The following TLE1 variants were observed in gnomAD, a reference collection of about 807,000 sequenced individuals.
TLE1 encodes TLE family member 1, transcriptional corepressor.
TLE1 carries 21 observed loss-of-function variants against 89.8 expected under a neutral mutation model. The ratio of observed to expected loss-of-function variants is 0.23; its 90% CI spans 0.17 to 0.34. The LOEUF (loss-of-function observed/expected upper bound fraction) is 0.34, where lower values mean the gene tolerates loss of function less well. Ranked by LOEUF, TLE1 falls within the 10% of genes least tolerant of loss-of-function variation. The pLI, the probability that TLE1 is intolerant of heterozygous loss-of-function variation, is 1.00. For synonymous variants in TLE1, 447 were observed against 407.6 expected (o/e 1.10, Z -1.16); for missense variants, 795 against 1,031.2 (o/e 0.77, Z 3.14).
chr9:81,646,371 G>C (rs7854019), intron 6 of TLE1, among the ~76,000 whole-genome samples: 73,854 of 152,010 alleles, frequency 0.49, 18,156 homozygotes, highest in East Asian at 0.68. Flanking sequence ...AAGGGCTAGA[G>C]TGTTGGAATT....
chr9:81,667,498 G>A (rs1831631874), intron 4 of TLE1, among the ~76,000 whole-genome samples: 1 of 152,018 alleles, frequency 6.6e-6, no homozygotes, highest in South Asian at 2.1e-4. Context: ...CTGCACATGG[G>A]CCATGCTACA....
chr9:81,620,591 C>A (rs1587999607), intron 8 of TLE1, 34 bp from the exon 9 acceptor site: 2 of 1,600,048 alleles, frequency 1.2e-6, no homozygotes, highest in Non-Finnish European at 8.5e-7. Flanking sequence ...AAGATTTCTT[C>A]CCAAGCCTCT....
At chr9:81,644,750 T>C (rs547049320) in intron 6 of TLE1, among the ~76,000 whole-genome samples, 3 of 152,022 alleles carry the variant, frequency 2.0e-5, no homozygotes, top group Non-Finnish European at 4.4e-5. Context: ...TCCCAGCACT[T>C]TGGGAGGCAG....
chr9:81,683,827 C>T (rs1458856102), intron 4 of TLE1, among the ~76,000 whole-genome samples: 8 of 152,114 alleles, frequency 5.3e-5, no homozygotes, highest in African/African-American at 1.7e-4. Context: ...CCACAAATGC[C>T]TCACTCTGTA....
At chr9:81,677,489 C>A (rs577666953) in intron 4 of TLE1, among the ~76,000 whole-genome samples, 60 of 143,062 alleles carry the variant, frequency 4.2e-4, no homozygotes, top group African/African-American at 1.5e-3. Flanking sequence ...GGTGTGAACC[C>A]GGGAGGCGGA....
intron 14 of TLE1, among the ~76,000 whole-genome samples, chr9:81,601,528 G>A (rs578249057): frequency 6.6e-6 from 1 of 151,696 alleles, no homozygotes; most frequent in Admixed American, 6.6e-5. Context: ...CTGACCTCTA[G>A]GTGCTAATAT....
intron 4 of TLE1, among the ~76,000 whole-genome samples, chr9:81,656,559 T>C (rs1248172455): frequency 6.6e-6 from 1 of 152,202 alleles, no homozygotes; most frequent in Non-Finnish European, 1.5e-5. Context: ...ATGGGTAACA[T>C]ATTGGTGATT....
rs558222355 is a variant in TLE1, at chr9:81,635,155, C to T, written c.373-854G>A. On this transcript the variant is annotated intron_variant, in intron 6 of 19. Transcript: ENST00000376499. ...CTGCCACAGACAGGGGAGAGGATCT[C>T]AGGGAGCCAGGCTTGTGGCCGCTGG... Among the ~76,000 whole-genome samples the T allele has an allele frequency of 4.3e-4, 66 of 152,304 alleles. 1 individual carries two copies. The highest frequency in any genetic ancestry group is 6.6e-4 in the Non-Finnish European group (45 of 68,036).
intron 8 of TLE1, among the ~76,000 whole-genome samples, chr9:81,628,742 TACTA>T (rs35959525): frequency 0.16 from 24,896 of 152,086 alleles, 2,352 homozygotes; most frequent in African/African-American, 0.27. Flanking sequence ...TCGCTCAGAT[TACTA>T]ACTCTCAATC....
intron 1 of TLE1, among the ~76,000 whole-genome samples, 192 bp downstream of exon 1, chr9:81,688,025 A>AAGGG (rs1260877187): frequency 6.6e-6 from 1 of 151,948 alleles, no homozygotes; most frequent in East Asian, 2.0e-4. Context: ...AAGGAGCCCA[A>AAGGG]AGGGAGGGAG....
At chr9:81,591,143 AG>A (rs1292260415) in intron 15 of TLE1, 91 bp from the exon 16 acceptor site, 1 of 1,525,002 alleles carries the variant, frequency 6.6e-7, no homozygotes. Context: ...TTTTGAGTTA[AG>A]AGTGGTGTTT....
chr9:81,637,933 A>G (rs1588073328), intron 6 of TLE1, among the ~76,000 whole-genome samples: 1 of 152,278 alleles, frequency 6.6e-6, no homozygotes, highest in Admixed American at 6.5e-5. Context: ...CAGGGCTCAG[A>G]GCCAGAATGA....
intron 4 of TLE1, among the ~76,000 whole-genome samples, chr9:81,664,032 G>A (rs1222192917): frequency 6.6e-6 from 1 of 152,126 alleles, no homozygotes; most frequent in Non-Finnish European, 1.5e-5. Context: ...AAAGAATGAT[G>A]CATCAACCCT....
intron 4 of TLE1, among the ~76,000 whole-genome samples, chr9:81,661,239 G>A (rs1830764164): frequency 6.9e-6 from 1 of 145,430 alleles, no homozygotes; most frequent in South Asian, 2.2e-4. Context: ...TCAAGATATG[G>A]TCTTCTGAGT....
At chr9:81,585,779 G>GACCTCCCCACAGTCT in intron 17 of TLE1, 124 bp from the exon 18 acceptor site, 5 of 1,257,198 alleles carry the variant, frequency 4.0e-6, no homozygotes, top group Non-Finnish European at 4.3e-6. Flanking sequence ...CCAGACTGTG[G>GACCTCCCCACAGTCT]GGAGGTCCAC....
chr9:81,631,855 C>T (rs1344166340), intron 8 of TLE1, among the ~76,000 whole-genome samples: 1 of 152,196 alleles, frequency 6.6e-6, no homozygotes, highest in African/African-American at 2.4e-5. Flanking sequence ...GCAATCCCAG[C>T]ACGTTGGGAG....
intron 8 of TLE1, among the ~76,000 whole-genome samples, chr9:81,623,010 T>C (rs947040076): frequency 3.9e-5 from 6 of 152,194 alleles, no homozygotes; most frequent in African/African-American, 1.4e-4. Context: ...CCCTGACTTC[T>C]TCCAGCCCTG....
chr9:81,634,064 C>T (rs1588057030), intron 7 of TLE1, 33 bp downstream of exon 7: 4 of 1,583,182 alleles, frequency 2.5e-6, no homozygotes, highest in Non-Finnish European at 3.4e-6. Context: ...AGTATGAGGA[C>T]AAAGTCCTAA....
chr9:81,682,922 G>A lies in TLE1; in HGVS notation c.234+2754C>T, dbSNP rs80134532. 2.9e-3 allele frequency among the ~76,000 whole-genome samples: 443 copies of A among 152,256 alleles called. 15 individuals carry two copies. In the East Asian group the frequency reaches 0.075, roughly 26 times the overall value. ...TGTTTCATTGCCTTTTCGGTAACCCGCCACAAACGGGAGCAGAGAAAGTAA... is the reference window on the plus strand; with the variant it reads ...TGTTTCATTGCCTTTTCGGTAACCCACCACAAACGGGAGCAGAGAAAGTAA... On this transcript the variant is annotated intron_variant, in intron 4 of 19. Transcript: ENST00000376499.
Sources: allele counts gnomAD v4.1 joint callset (sites outside exome capture counted in the v4.1 genomes callset), GRCh38; gene constraint gnomAD v4.1.1; transcripts MANE v1.5; gene names NCBI Gene and HGNC (gene_info 2026-07-23, HGNC 2026-07-21).